The following TTLL6 variants were observed in gnomAD, a reference collection of about 807,000 sequenced individuals.
TTLL6 encodes tubulin tyrosine ligase like 6.
In TTLL6, 75 loss-of-function variants were observed where a neutral mutation model predicts 96.4. The ratio of observed to expected loss-of-function variants is 0.78; its 90% CI spans 0.65 to 0.94. The LOEUF is 0.94. Among genes scored for constraint, TTLL6 ranks in the 40% least tolerant of loss-of-function variants. The pLI is 0.00. For missense variants in TTLL6, 1,030 were observed against 1,093.0 expected (o/e 0.94, Z 0.81); for synonymous variants, 411 against 419.4 (o/e 0.98, Z 0.24).
At chr17:48,781,081 T>C (rs954937859) in intron 13 of TTLL6, among the ~76,000 whole-genome samples, 2 of 151,776 alleles carry the variant, frequency 1.3e-5, no homozygotes, top group African/African-American at 4.8e-5. Flanking sequence ...AGAGTCTAAC[T>C]CTGTTGCCCA....
chr17:48,784,810 G>A lies in TTLL6; in HGVS notation c.2040+113C>T, dbSNP rs2039056066. Reference sequence around the variant, plus strand: ...TGGGCTTCTCAAGGGGAGACACCAAGGCCCAGGGAGGCTCAGTGGCTTACT... The same window carrying A: ...TGGGCTTCTCAAGGGGAGACACCAAAGCCCAGGGAGGCTCAGTGGCTTACT... On this transcript the variant is annotated intron_variant, in intron 13 of 15. Transcript: ENST00000393382. The A allele has an allele frequency of 9.9e-6, 8 of 809,884 alleles. No individual in the cohort carries two copies. In the East Asian group the frequency reaches 2.1e-4, roughly 21 times the overall value. The allele number at this position is 809,884 out of a possible 1,614,324, so 50.2% of individuals were successfully genotyped here.
Position 48,782,608 on chromosome 17 carries a change from T to A in TTLL6, c.2040+2315A>T, listed in dbSNP as rs1266863582. On this transcript the variant is annotated intron_variant, in intron 13 of 15. Transcript: ENST00000393382. ...TTTTAGTGGCATATGCCCAAGAAAT[T>A]ATGAAGCTGCAAAACATACTCTCTT... Among the ~76,000 whole-genome samples, 5 of 152,256 alleles carry A rather than the reference T, an allele frequency of 3.3e-5. No homozygotes were observed. In the East Asian group the frequency reaches 9.6e-4, roughly 29 times the overall value.
At chr17:48,812,853 G>C (rs2039615089) in intron 1 of TTLL6, among the ~76,000 whole-genome samples, 3 of 152,128 alleles carry the variant, frequency 2.0e-5, no homozygotes, top group African/African-American at 7.2e-5. Context: ...GTGAGCATTA[G>C]GTAAGTAACA....
rs2039478139 is a variant in TTLL6 at position 48,804,614 on chromosome 17, G to A, written c.323+158C>T. 1.0e-5 allele frequency: 7 copies of A among 674,312 alleles called. 1 individual carries two copies. Among genetic ancestry groups the A allele is most frequent in the Non-Finnish European group, 1.8e-5 (7 of 382,248 alleles). 41.8% of individuals were successfully genotyped at this position (674,312 alleles called of 1,614,324 possible). A position where few individuals can be genotyped will look rare whatever the true frequency, so the allele number is the denominator to read the frequency against. On this transcript the variant is annotated intron_variant, in intron 2 of 15. Transcript: ENST00000393382. ...GATTCTATAAAACAGATCATCGAAA[G>A]TAGATTCTTTTTATATGAACCAAAA...
chr17:48,785,734 T>C (rs1015531384), intron 12 of TTLL6, among the ~76,000 whole-genome samples: 2 of 152,164 alleles, frequency 1.3e-5, no homozygotes, highest in African/African-American at 4.8e-5. Flanking sequence ...TGTAATGTTC[T>C]GAGAGTCCTG....
At chr17:48,783,441 T>G (rs1482984735) in intron 13 of TTLL6, among the ~76,000 whole-genome samples, 1 of 151,940 alleles carries the variant, frequency 6.6e-6, no homozygotes, top group South Asian at 2.1e-4. Context: ...AATATTGTTT[T>G]TTTTTTTTTA....
At chr17:48,807,758 C>T (rs969100825) in intron 1 of TTLL6, among the ~76,000 whole-genome samples, 2 of 151,662 alleles carry the variant, frequency 1.3e-5, no homozygotes, top group Non-Finnish European at 2.9e-5. Context: ...GCAATCTGCC[C>T]GCCTCTGCCT....
At chr17:48,802,106 GA>G (rs756977267) in intron 3 of TTLL6, among the ~76,000 whole-genome samples, 1 of 82,632 alleles carries the variant, frequency 1.2e-5, no homozygotes, top group Non-Finnish European at 3.6e-5. Flanking sequence ...AAGAAAGAAA[GA>G]AAGAAAGAAA....
At chr17:48,776,409 C>T (rs530861518) in intron 13 of TTLL6, among the ~76,000 whole-genome samples, 56 of 152,182 alleles carry the variant, frequency 3.7e-4, no homozygotes, top group African/African-American at 1.3e-3. Flanking sequence ...TGCAGTGAGC[C>T]GAGATCGTGC....
intron 13 of TTLL6, among the ~76,000 whole-genome samples, chr17:48,783,084 T>C (rs1246704737): frequency 6.6e-6 from 1 of 152,296 alleles, no homozygotes; most frequent in East Asian, 1.9e-4. Flanking sequence ...TGAGGTATCA[T>C]ATGTAGTATG....
intron 14 of TTLL6, 128 bp from the exon 15 acceptor site, chr17:48,769,382 T>A (rs1211512568): frequency 2.6e-6 from 3 of 1,165,656 alleles, no homozygotes; most frequent in Non-Finnish European, 3.6e-6. Flanking sequence ...TGAGCCAGAA[T>A]CAGCCATTGC....
intron 13 of TTLL6, among the ~76,000 whole-genome samples, chr17:48,779,732 A>G (rs1334064353): frequency 1.3e-5 from 2 of 152,246 alleles, no homozygotes; most frequent in African/African-American, 4.8e-5. Flanking sequence ...AATACAATTC[A>G]GCAAACTACT....
intron 13 of TTLL6, among the ~76,000 whole-genome samples, chr17:48,781,941 C>T (rs910407750): frequency 1.3e-5 from 2 of 152,128 alleles, no homozygotes; most frequent in South Asian, 4.1e-4. Flanking sequence ...ATCAAACTTG[C>T]CAGCACCTTG....
At chr17:48,814,786 T>C (rs2039644009) in intron 1 of TTLL6, among the ~76,000 whole-genome samples, 1 of 152,160 alleles carries the variant, frequency 6.6e-6, no homozygotes, top group Admixed American at 6.5e-5. Flanking sequence ...CTTTCTTTTA[T>C]CTTTCTTTCT....
At chr17:48,777,704 C>T (rs1374079472) in intron 13 of TTLL6, among the ~76,000 whole-genome samples, 5 of 149,350 alleles carry the variant, frequency 3.3e-5, no homozygotes, top group African/African-American at 4.9e-5. Context: ...GCACTCAAGC[C>T]TGGGCGACAG....
rs1475803178 is a variant in TTLL6, at chr17:48,799,662, C to A, written c.710G>T (p.Arg237Leu). 2 of 1,551,836 alleles carry A rather than the reference C, an allele frequency of 1.3e-6. No homozygotes were observed. The highest frequency in any genetic ancestry group is 3.9e-5 in the Admixed American group (2 of 50,992). ...GCQGKGIFIT[R>L]TVKEIKPGED... is the part of the protein sequence containing the mutation. The stretch of plus-strand genomic sequence containing the variant: ...CCCTGGTTTGATTTCTTTCACTGTC[C>A]GGGTGATGAATATACCTTTCCCTTG... The change falls in exon 6 of 16, where the codon CGG becomes CTG. Residue 237 changes from arginine (R) to leucine (L), a missense_variant. Transcript: ENST00000393382.
intron 13 of TTLL6, among the ~76,000 whole-genome samples, chr17:48,778,185 G>T (rs898185816): frequency 6.6e-6 from 1 of 151,356 alleles, no homozygotes; most frequent in Non-Finnish European, 1.5e-5. Context: ...GCTGAGGCAG[G>T]AAAATCACTT....
chr17:48,814,046 C>T (rs780395025), intron 1 of TTLL6, among the ~76,000 whole-genome samples: 1 of 152,042 alleles, frequency 6.6e-6, no homozygotes, highest in Non-Finnish European at 1.5e-5. Flanking sequence ...AGGCTGGGTG[C>T]GGTGGCTCAC....
At chr17:48,816,933 G>A (rs2039675567) in intron 1 of TTLL6, 37 bp downstream of exon 1, 5 of 1,445,730 alleles carry the variant, frequency 3.5e-6, no homozygotes, top group South Asian at 2.6e-5. Flanking sequence ...AGGAGGCTGC[G>A]GTCTGGAGCC....
Sources: allele counts gnomAD v4.1 joint callset (sites outside exome capture counted in the v4.1 genomes callset), GRCh38; gene constraint gnomAD v4.1.1; transcripts MANE v1.5; gene names NCBI Gene and HGNC (gene_info 2026-07-23, HGNC 2026-07-21).